ADGRL3: variants seen among roughly 807,000 people sequenced by gnomAD.
ADGRL3 encodes the protein adhesion G protein-coupled receptor L3.
A neutral mutation model predicts 153.5 loss-of-function variants in ADGRL3; 62 were observed. The ratio of observed to expected loss-of-function variants is 0.40; its 90% confidence interval spans 0.33 to 0.50. ADGRL3 has a LOEUF of 0.50. Ranked by LOEUF, ADGRL3 falls within the 20% of genes least tolerant of loss-of-function variation. The pLI, the probability that ADGRL3 is intolerant of heterozygous loss-of-function variation, is 0.47. For missense variants in ADGRL3, 1,641 were observed against 1,859.4 expected (o/e 0.88, Z 2.16); for synonymous variants, 710 against 672.5 (o/e 1.06, Z -0.86).
At chr4:61,936,419 A>C (rs2098838665) in intron 15 of ADGRL3, among the ~76,000 whole-genome samples, 1 of 152,132 alleles carries the variant, frequency 6.6e-6, no homozygotes, top group African/African-American at 2.4e-5. Context: ...TGTAATTAAA[A>C]AAATATTTTT....
Position 61,202,717 on chromosome 4 carries a change from G to T in ADGRL3, c.-240+952G>T, listed in dbSNP as rs150568871. ...TCCCACGTCGGAGCTCAGAAGCTTA[G>T]GGTGCCAGGCCCCCAGCACTATAGG... On this transcript the variant is annotated intron_variant, in intron 1 of 26. Transcript: ENST00000683033. The surrounding 1 kb of genome is among the most constrained non-coding windows in gnomAD (Gnocchi z 5.0). Among the ~76,000 whole-genome samples the T allele has an allele frequency of 5.4e-3, 822 of 152,262 alleles. 8 individuals carry two copies. The highest frequency in any genetic ancestry group is 0.019 in the African/African-American group (786 of 41,554).
intron 8 of ADGRL3, among the ~76,000 whole-genome samples, chr4:61,762,716 C>G (rs559956582): frequency 6.6e-6 from 1 of 152,104 alleles, no homozygotes; most frequent in South Asian, 2.1e-4. Flanking sequence ...AATTATTTTG[C>G]TAAGATACAA....
intron 13 of ADGRL3, among the ~76,000 whole-genome samples, chr4:61,913,340 T>C (rs1269561164): frequency 6.6e-6 from 1 of 152,152 alleles, no homozygotes; most frequent in African/African-American, 2.4e-5. Flanking sequence ...ATACCTATGT[T>C]TATGGATTTT....
chr4:61,841,931 T>G (rs1031203927), intron 9 of ADGRL3, among the ~76,000 whole-genome samples: 4 of 152,196 alleles, frequency 2.6e-5, no homozygotes, highest in Admixed American at 6.5e-5. Flanking sequence ...AAATTTGGCT[T>G]TAGCTGTCCT....
chr4:61,724,123 C>T (rs1012419955), intron 6 of ADGRL3, among the ~76,000 whole-genome samples: 1 of 152,158 alleles, frequency 6.6e-6, no homozygotes, highest in South Asian at 2.1e-4. Flanking sequence ...TCTGAGGTAA[C>T]TCTGCCTTTG....
At chr4:61,624,391 A>G (rs895008628) in intron 5 of ADGRL3, among the ~76,000 whole-genome samples, 5 of 152,094 alleles carry the variant, frequency 3.3e-5, no homozygotes, top group Non-Finnish European at 7.4e-5. Flanking sequence ...TGTATTCTGG[A>G]TGACTCCTGG....
chr4:61,300,470 G>T (rs930557106), intron 1 of ADGRL3, among the ~76,000 whole-genome samples: 1 of 152,164 alleles, frequency 6.6e-6, no homozygotes, highest in Non-Finnish European at 1.5e-5. Context: ...CTCTGCCTTG[G>T]ATAAGGGGTA....
In ADGRL3 at chr4:61,919,989, C is replaced by A. The variant is rs966550191; in HGVS notation, c.2112+7232C>A. Among the ~76,000 whole-genome samples the A allele has an allele frequency of 4.6e-5, 7 of 152,158 alleles. No homozygotes were observed. In the South Asian group the frequency reaches 1.2e-3, roughly 27 times the overall value. On this transcript the variant is annotated intron_variant, in intron 13 of 26. Transcript: ENST00000683033. ...TTTCTGTTTTTAAATAAAATGTTTT[C>A]ATCTAAAACAAAAATATTTTCTCTC... is the stretch of plus-strand genomic sequence containing the variant.
intron 5 of ADGRL3, among the ~76,000 whole-genome samples, chr4:61,631,145 TTTG>T (rs1183604400): frequency 6.6e-6 from 1 of 152,196 alleles, no homozygotes; most frequent in Non-Finnish European, 1.5e-5. Context: ...TCGTTGTTCC[TTTG>T]TTATGTCTAA....
chr4:61,413,756 CAACAAACA>C (rs71211382), intron 2 of ADGRL3, among the ~76,000 whole-genome samples: 9 of 151,238 alleles, frequency 6.0e-5, no homozygotes, highest in East Asian at 4.0e-4. Flanking sequence ...AAACAACAAA[CAACAAACA>C]AACAAACAAA....
chr4:61,577,166 GTA>G (rs981230009), intron 4 of ADGRL3, among the ~76,000 whole-genome samples: 2 of 149,404 alleles, frequency 1.3e-5, no homozygotes, highest in African/African-American at 4.9e-5. Context: ...GTGTGTGTGT[GTA>G]TGTGTGTGTG....
At chr4:61,783,486 T>A (rs1411328887) in intron 8 of ADGRL3, among the ~76,000 whole-genome samples, 1 of 152,110 alleles carries the variant, frequency 6.6e-6, no homozygotes. Context: ...ATAGGAAATA[T>A]CTTGAAAAGA....
intron 2 of ADGRL3, among the ~76,000 whole-genome samples, chr4:61,398,642 G>T (rs1840775): frequency 1.8e-4 from 27 of 150,954 alleles, no homozygotes; most frequent in African/African-American, 6.3e-4. Context: ...GGCTTCTTCT[G>T]TTTTTTTATC....
At chr4:61,798,079 T>C (rs1222905826) in intron 8 of ADGRL3, among the ~76,000 whole-genome samples, 1 of 152,178 alleles carries the variant, frequency 6.6e-6, no homozygotes, top group Non-Finnish European at 1.5e-5. Flanking sequence ...TTCAATTCTG[T>C]TTCATTTCCA....
intron 13 of ADGRL3, among the ~76,000 whole-genome samples, chr4:61,923,292 A>G (rs1353998474): frequency 6.6e-6 from 1 of 152,214 alleles, no homozygotes; most frequent in Admixed American, 6.5e-5. Flanking sequence ...ATCCTTGTGT[A>G]GATGATTTAA....
At chr4:61,864,728 G>A (rs114876396) in intron 9 of ADGRL3, among the ~76,000 whole-genome samples, 2,594 of 152,200 alleles carry the variant, frequency 0.017, 77 homozygotes, top group African/African-American at 0.058. Flanking sequence ...AATTTTCAAC[G>A]ACGATTCTTT....
chr4:61,299,561 C>G (rs185881508), intron 1 of ADGRL3, among the ~76,000 whole-genome samples: 3 of 152,264 alleles, frequency 2.0e-5, no homozygotes, highest in Admixed American at 2.0e-4. Context: ...CTGCTGAACA[C>G]TTTACATCTT....
intron 4 of ADGRL3, among the ~76,000 whole-genome samples, chr4:61,574,542 A>G (rs1422537626): frequency 1.3e-5 from 2 of 151,900 alleles, no homozygotes; most frequent in Non-Finnish European, 2.9e-5. Context: ...TATCAACAAT[A>G]ATCAACATCA....
chr4:61,386,510 TCAGCAGGG>T (rs2096737824), intron 2 of ADGRL3, among the ~76,000 whole-genome samples: 2 of 152,174 alleles, frequency 1.3e-5, no homozygotes, highest in Admixed American at 1.3e-4. Context: ...CTGGTTTTGT[TCAGCAGGG>T]TTTATACTCA....
Sources: allele counts gnomAD v4.1 joint callset (sites outside exome capture counted in the v4.1 genomes callset), GRCh38; gene constraint gnomAD v4.1.1; non-coding constraint Gnocchi (gnomAD v3.1); transcripts MANE v1.5; gene names NCBI Gene and HGNC (gene_info 2026-07-23, HGNC 2026-07-21).